DCC: variants seen among roughly 807,000 people sequenced by gnomAD.
DCC encodes netrin receptor DCC.
Under a neutral mutation model 172.5 loss-of-function variants are expected in DCC, and 58 were observed. The observed-to-expected ratio is 0.34, with a 90% CI of 0.27 to 0.42. The LOEUF is 0.42. Ranked by LOEUF, DCC falls within the 10% of genes least tolerant of loss-of-function variation. The pLI, the probability that DCC is intolerant of heterozygous loss-of-function variation, is 1.00. For synonymous variants in DCC, 709 were observed against 644.5 expected (o/e 1.10, Z -1.52); for missense variants, 1,740 against 1,791.0 (o/e 0.97, Z 0.51).
chr18:52,610,414 G>GAAAAAAA (rs2034254469), intron 1 of DCC, among the ~76,000 whole-genome samples: 1 of 102,398 alleles, frequency 9.8e-6, no homozygotes, highest in Non-Finnish European at 2.0e-5. Context: ...AAAAGAAAAA[G>GAAAAAAA]AAAAAGAAAA....
intron 13 of DCC, among the ~76,000 whole-genome samples, chr18:53,316,791 G>T (rs2057348847): frequency 6.6e-6 from 1 of 152,166 alleles, no homozygotes; most frequent in African/African-American, 2.4e-5. Flanking sequence ...TTTGCACATT[G>T]ATTTTGTATC....
intron 5 of DCC, among the ~76,000 whole-genome samples, chr18:52,962,973 G>T (rs1388099946): frequency 7.1e-6 from 1 of 141,640 alleles, no homozygotes; most frequent in East Asian, 2.4e-4. Context: ...GGGGAGGGGG[G>T]AAGGATAGCA....
chr18:52,963,402 T>C (rs1205900328), intron 5 of DCC, among the ~76,000 whole-genome samples: 1 of 152,102 alleles, frequency 6.6e-6, no homozygotes, highest in Non-Finnish European at 1.5e-5. Context: ...AGTGAGCACA[T>C]ATTTCCTTAA....
intron 28 of DCC, chr18:53,527,001 G>C (rs2046463910): frequency 1.9e-6 from 1 of 514,410 alleles, no homozygotes; most frequent in Non-Finnish European, 3.5e-6. Flanking sequence ...GACAGTCTTA[G>C]AAATATGACC....
intron 1 of DCC, among the ~76,000 whole-genome samples, chr18:52,681,288 T>C (rs577646119): frequency 1.3e-5 from 2 of 152,158 alleles, no homozygotes; most frequent in Admixed American, 1.3e-4. Context: ...TCCCTTATCC[T>C]CCGTCCATTG....
At chr18:52,964,087 G>T (rs991542592) in intron 5 of DCC, among the ~76,000 whole-genome samples, 1 of 152,076 alleles carries the variant, frequency 6.6e-6, no homozygotes, top group Non-Finnish European at 1.5e-5. Context: ...TTAGAGACAG[G>T]CATATTCAGA....
chr18:52,405,737 C>T (rs1324593816), intron 1 of DCC, among the ~76,000 whole-genome samples: 2 of 151,496 alleles, frequency 1.3e-5, no homozygotes, highest in Non-Finnish European at 2.9e-5. Flanking sequence ...GTGAAAATGG[C>T]CATACTGCCC....
chr18:53,465,243 C>CTT (rs527307532), intron 24 of DCC, among the ~76,000 whole-genome samples: 56 of 144,220 alleles, frequency 3.9e-4, no homozygotes, highest in African/African-American at 1.1e-3. Flanking sequence ...ATTCCATTAG[C>CTT]TTTTTTTTTT....
intron 1 of DCC, among the ~76,000 whole-genome samples, chr18:52,652,803 C>A (rs979061057): frequency 1.3e-5 from 2 of 150,042 alleles, no homozygotes; most frequent in African/African-American, 2.5e-5. Flanking sequence ...AAATCCTCAT[C>A]AGTTTCTTTC....
At chr18:52,931,955 GAAAA>G (rs1255884033) in intron 5 of DCC, 3 of 151,748 alleles carry the variant, frequency 2.0e-5, no homozygotes, top group African/African-American at 4.8e-5. Flanking sequence ...TTTAAAAAAA[GAAAA>G]AACGAAAATG....
intron 2 of DCC, among the ~76,000 whole-genome samples, chr18:52,826,913 C>T (rs980088960): frequency 5.9e-5 from 9 of 152,072 alleles, no homozygotes; most frequent in African/African-American, 1.9e-4. Context: ...TTTTTTCTTG[C>T]CAAGATTACC....
chr18:52,467,744 C>A (rs189788674), intron 1 of DCC, among the ~76,000 whole-genome samples: 1 of 152,290 alleles, frequency 6.6e-6, no homozygotes, highest in African/African-American at 2.4e-5. Context: ...TTCATTCTAA[C>A]TGGCATGAGA....
rs566020626 is a variant in DCC at position 52,532,981 on chromosome 18, C to T, written c.91+192103C>T. Among the ~76,000 whole-genome samples, 6 of 152,204 alleles carry T rather than the reference C, an allele frequency of 3.9e-5. No individual in the cohort carries two copies. In the East Asian group the frequency reaches 9.6e-4, roughly 24 times the overall value. The stretch of plus-strand genomic sequence containing the variant: ...TCTCACCACCCCAGTCCCTCTTCTA[C>T]TAATCTACTCTGTCTTTACAGATTT... On this transcript the variant is annotated intron_variant, in intron 1 of 28. Transcript: ENST00000442544.
intron 26 of DCC, 104 bp downstream of exon 26, chr18:53,487,062 C>A (rs925742275): frequency 1.4e-6 from 2 of 1,430,724 alleles, no homozygotes; most frequent in Admixed American, 1.9e-5. Flanking sequence ...AAGTTGATTT[C>A]CCTATGACTG....
At chr18:52,704,190 T>C (rs2036169935) in intron 1 of DCC, among the ~76,000 whole-genome samples, 1 of 152,132 alleles carries the variant, frequency 6.6e-6, no homozygotes, top group Non-Finnish European at 1.5e-5. Flanking sequence ...CCAACCTTTG[T>C]ATGTGATGAA....
intron 24 of DCC, among the ~76,000 whole-genome samples, chr18:53,460,759 A>T (rs1370245343): frequency 6.6e-6 from 1 of 152,156 alleles, no homozygotes; most frequent in Non-Finnish European, 1.5e-5. Context: ...ATGTGTCTTT[A>T]TAGCAGCACG....
chr18:52,431,767 A>G (rs1251213761), intron 1 of DCC, among the ~76,000 whole-genome samples: 2 of 152,114 alleles, frequency 1.3e-5, no homozygotes, highest in Non-Finnish European at 2.9e-5. Context: ...TTCACGAGGC[A>G]TAATCACCAC....
chr18:53,117,012 T>G (rs2043418308), intron 7 of DCC, among the ~76,000 whole-genome samples: 1 of 151,668 alleles, frequency 6.6e-6, no homozygotes, highest in Non-Finnish European at 1.5e-5. Context: ...TTGAACTATT[T>G]TTTAGATGGA....
At chr18:52,346,712 G>T (rs1446216831) in intron 1 of DCC, among the ~76,000 whole-genome samples, 1 of 152,086 alleles carries the variant, frequency 6.6e-6, no homozygotes, top group Non-Finnish European at 1.5e-5. Flanking sequence ...GGGGGGAAAA[G>T]TTCAAGTAGG....
Sources: gnomAD v4.1 joint callset for allele counts (sites outside exome capture counted in the v4.1 genomes callset) on GRCh38, gnomAD v4.1.1 for gene constraint, MANE v1.5 for transcripts, NCBI Gene and HGNC (gene_info 2026-07-23, HGNC 2026-07-21) for gene names.